The following TOP2B variants were observed in gnomAD, a reference collection of about 807,000 sequenced individuals.
TOP2B encodes DNA topoisomerase II beta, also known as DNA topoisomerase 2-beta.
Under a neutral mutation model 193.5 loss-of-function variants are expected in TOP2B, and 51 were observed. The ratio of observed to expected loss-of-function variants is 0.26; its 90% confidence interval spans 0.21 to 0.33. The LOEUF (loss-of-function observed/expected upper bound fraction) is 0.33. Among genes scored for constraint, TOP2B ranks in the 10% least tolerant of loss-of-function variants. TOP2B has a pLI of 1.00. For missense variants in TOP2B, 1,378 were observed against 1,909.3 expected (o/e 0.72, Z 5.19); for synonymous variants, 634 against 635.7 (o/e 1.00, Z 0.04).
chr3:25,656,765 A>G (rs1284550500), intron 1 of TOP2B, among the ~76,000 whole-genome samples: 1 of 152,244 alleles, frequency 6.6e-6, no homozygotes, highest in Non-Finnish European at 1.5e-5. Context: ...CAGAATATCA[A>G]TAAAAATTAT....
At chr3:25,632,380 T>C in intron 10 of TOP2B, 66 bp downstream of exon 10, 1 of 1,358,242 alleles carries the variant, frequency 7.4e-7, no homozygotes, top group Non-Finnish European at 1.0e-6. Flanking sequence ...ACAAATAAAG[T>C]AAATCAAGAA....
chr3:25,631,339 A>C lies in TOP2B; in HGVS notation c.1267-400T>G, dbSNP rs891728778. Among the ~76,000 whole-genome samples, 5 of 152,194 alleles carry C rather than the reference A, an allele frequency of 3.3e-5. No homozygotes were observed. In the East Asian group the frequency reaches 5.8e-4, roughly 18 times the overall value. On this transcript the variant is annotated intron_variant, in intron 10 of 35. Transcript: ENST00000264331. ...AATACAAAACGTGAGTCTTTAATTCACTATGACAAAAAGTATTAACCTAAA... is the reference window on the plus strand; with the variant it reads ...AATACAAAACGTGAGTCTTTAATTCCCTATGACAAAAAGTATTAACCTAAA...
At chr3:25,613,674 G>C (rs1159880093) in intron 27 of TOP2B, among the ~76,000 whole-genome samples, 4 of 151,726 alleles carry the variant, frequency 2.6e-5, no homozygotes, top group African/African-American at 4.8e-5. Flanking sequence ...GCTGCAATGA[G>C]CCATGATTGT....
In TOP2B at chr3:25,598,198, C is replaced by CAATT. The variant is rs755189951; in HGVS notation, c.*105_*108dup. ...GCCTACCACAATAATAAAAAACCGT[C>CAATT]AATTACATCATCACATTAAAATAAG... On this transcript the variant is annotated 3_prime_UTR_variant, in exon 36 of 36. Coordinates refer to ENST00000264331, the MANE Select transcript of TOP2B (RefSeq NM_001330700.2). 129 of 1,183,558 alleles carry CAATT rather than the reference C, an allele frequency of 1.1e-4. No individual in the cohort carries two copies. The highest frequency in any genetic ancestry group is 1.3e-4 in the Non-Finnish European group (112 of 850,434). 73.3% of individuals were successfully genotyped at this position (1,183,558 alleles called of 1,614,324 possible). A position where few individuals can be genotyped will look rare whatever the true frequency, so the allele number is the denominator to read the frequency against.
chr3:25,644,876 G>C (rs1703370814), intron 2 of TOP2B, among the ~76,000 whole-genome samples: 1 of 151,648 alleles, frequency 6.6e-6, no homozygotes, highest in Admixed American at 6.6e-5. Context: ...CTCACTGCAA[G>C]CTCCGCCTCC....
chr3:25,618,291 T>C (rs746318940), intron 25 of TOP2B, 127 bp downstream of exon 25: 20 of 654,920 alleles, frequency 3.1e-5, no homozygotes, highest in Non-Finnish European at 4.8e-5. Context: ...CAGAAGACTT[T>C]AGTCTCTAAA....
Position 25,629,146 on chromosome 3 carries a change from C to A in TOP2B, c.1690-1G>T. The A allele has an allele frequency of 1.3e-6, 2 of 1,554,608 alleles. No homozygotes were observed. The highest frequency in any genetic ancestry group is 1.2e-5 in the South Asian group (1 of 80,792). On this transcript the variant is annotated splice_acceptor_variant, in intron 13 of 35. Transcript: ENST00000264331. LOFTEE classifies it high-confidence loss of function. ...CTTTTATGTGAGAACCATCTTGATC[C>A]TAAATAAATGTTAGTAAAGTAAAAA...
chr3:25,608,467 C>A (rs1379545966), intron 30 of TOP2B, among the ~76,000 whole-genome samples: 1 of 152,100 alleles, frequency 6.6e-6, no homozygotes, highest in African/African-American at 2.4e-5. Flanking sequence ...CCTATGTACA[C>A]TAGGGAAAGA....
In TOP2B at chr3:25,598,095, G is replaced by C. The variant is rs1701964032; in HGVS notation, c.*212C>G. The C allele has an allele frequency of 2.5e-6, 1 of 394,502 alleles. No individual in the cohort carries two copies. The highest frequency in any genetic ancestry group is 4.4e-6 in the Non-Finnish European group (1 of 225,068). 24.4% of individuals were successfully genotyped at this position (394,502 alleles called of 1,614,324 possible). On this transcript the variant is annotated 3_prime_UTR_variant, in exon 36 of 36. Coordinates refer to ENST00000264331, the MANE Select transcript of TOP2B (RefSeq NM_001330700.2). ...ACGGCAGTCTATAACAATTCTACAA[G>C]CCAATCAGACAGTACGTGACATTTC...
chr3:25,632,833 T>C lies in TOP2B; in HGVS notation c.1027-39A>G, dbSNP rs369475686. On this transcript the variant is annotated intron_variant, in intron 8 of 35. Coordinates refer to ENST00000264331, the MANE Select transcript of TOP2B (RefSeq NM_001330700.2). ...AATATATGAAATCTGAAATCCTGTA[T>C]TGTTAAAGTAGCAAAATACTTTATC... 9.1e-6 allele frequency: 14 copies of C among 1,540,074 alleles called. No individual in the cohort carries two copies. The South Asian group carries it at 1.4e-4, about 15-fold the overall frequency.
chr3:25,609,513 C>G, intron 29 of TOP2B, 55 bp downstream of exon 29: 1 of 1,561,058 alleles, frequency 6.4e-7, no homozygotes, highest in East Asian at 2.3e-5. Flanking sequence ...TCTAGTAATA[C>G]TCTATACAAA....
At chr3:25,647,866 C>A (rs926116454) in intron 1 of TOP2B, among the ~76,000 whole-genome samples, 2 of 152,154 alleles carry the variant, frequency 1.3e-5, no homozygotes, top group African/African-American at 2.4e-5. Context: ...GATGGCAAAA[C>A]AAGAAACCCC....
Position 25,609,207 on chromosome 3 carries a change from C to T in TOP2B, c.4069G>A (p.Asp1357Asn). The T allele has an allele frequency of 1.2e-6, 2 of 1,608,922 alleles. No homozygotes were observed. The highest frequency in any genetic ancestry group is 2.2e-5 in the South Asian group (2 of 90,210). Reference protein sequence around the residue: ...EETEPVVIPRDSLLRRAAAER... With the variant: ...EETEPVVIPRNSLLRRAAAER... ...CCTGCTGCTCTCCTAAGCAAAGAAT[C>T]TCTTGGAATAACCACAGGTTCTGTT... The change falls in exon 30 of 36, where the codon GAT becomes AAT. Residue 1357 changes from aspartate to asparagine, a missense_variant. Transcript: ENST00000264331.
chr3:25,609,697 C>T lies in TOP2B; in HGVS notation c.3802G>A (p.Ala1268Thr). 3 of 1,503,076 alleles carry T rather than the reference C, an allele frequency of 2.0e-6. No individual in the cohort carries two copies. Among genetic ancestry groups the T allele is most frequent in the Non-Finnish European group, 2.6e-6 (3 of 1,132,176 alleles). The allele number at this position is 1,503,076 out of a possible 1,614,324, so 93.1% of individuals were successfully genotyped here. A position where few individuals can be genotyped will look rare whatever the true frequency, so the allele number is the denominator to read the frequency against. The change falls in exon 29 of 36, where the codon GCA (alanine) becomes ACA (threonine). Residue 1268 changes from alanine (A) to threonine (T), a missense_variant. Transcript: ENST00000264331. ...TCATCAAATTCCACTTTTACTGCTGCAGTATCAAGATCACCCTACATAATA... is the reference window on the plus strand; with the variant it reads ...TCATCAAATTCCACTTTTACTGCTGTAGTATCAAGATCACCCTACATAATA... ...LKKKKGDLDT[A>T]AVKVEFDEEF...
At chr3:25,602,008 C>T (rs936056864) in intron 33 of TOP2B, among the ~76,000 whole-genome samples, 3 of 152,042 alleles carry the variant, frequency 2.0e-5, no homozygotes, top group African/African-American at 4.8e-5. Flanking sequence ...ATATAAAATC[C>T]TAGATAAGTA....
intron 1 of TOP2B, among the ~76,000 whole-genome samples, chr3:25,656,120 A>G (rs1283128214): frequency 6.6e-6 from 1 of 152,204 alleles, no homozygotes; most frequent in African/African-American, 2.4e-5. Flanking sequence ...ATACTGTAAA[A>G]TAAGTGTGAT....
Position 25,628,869 on chromosome 3 carries a change from G to C in TOP2B, c.1884C>G (p.Ala628=). 6.3e-7 allele frequency: 1 copy of C among 1,577,850 alleles called. No individual in the cohort carries two copies. Among genetic ancestry groups the C allele is most frequent in the Non-Finnish European group, 8.6e-7 (1 of 1,162,342 alleles). ...EWKKHIENQK[A]WKIKYYKGLG... is the part of the protein sequence containing the mutation. ...AACCTTTATAGTACTTTATTTTCCAGGCTTTCTGGTTTTCTATATGTTTTT... is the reference window on the plus strand; with the variant it reads ...AACCTTTATAGTACTTTATTTTCCACGCTTTCTGGTTTTCTATATGTTTTT... Residue 628 remains alanine (A), a synonymous_variant, in exon 15 of 36, where the codon GCC becomes GCG. Coordinates refer to ENST00000264331, the MANE Select transcript of TOP2B (RefSeq NM_001330700.2).
chr3:25,642,526 T>C, intron 3 of TOP2B, 141 bp from the exon 4 acceptor site: 1 of 465,964 alleles, frequency 2.1e-6, no homozygotes, highest in Non-Finnish European at 3.8e-6. Context: ...TAACTTCTCA[T>C]ATAAAATCTT....
chr3:25,624,228 C>T (rs1702737638), intron 20 of TOP2B, 69 bp downstream of exon 20: 2 of 1,546,964 alleles, frequency 1.3e-6, no homozygotes, highest in Non-Finnish European at 1.8e-6. Context: ...GCTATAATTC[C>T]ATCGAACATT....
Sources: allele counts gnomAD v4.1 joint callset (sites outside exome capture counted in the v4.1 genomes callset), GRCh38; gene constraint gnomAD v4.1.1; transcripts MANE v1.5; gene names NCBI Gene and HGNC (gene_info 2026-07-23, HGNC 2026-07-21).